ANKRD30B: variants seen among roughly 807,000 people sequenced by gnomAD.
The protein encoded by ANKRD30B is ankyrin repeat domain 30B, also known as ankyrin repeat domain-containing protein 30B.
In ANKRD30B, 144 loss-of-function variants were observed where a neutral mutation model predicts 202.2. That is an observed-to-expected ratio of 0.71 (90% confidence interval 0.62 to 0.82). The LOEUF (loss-of-function observed/expected upper bound fraction) is 0.82. Among genes scored for constraint, ANKRD30B ranks in the 40% least tolerant of loss-of-function variants. The probability of loss-of-function intolerance (pLI) is 0.00; values close to 1 mark genes in which losing one functional copy is unlikely to be tolerated. For synonymous variants in ANKRD30B, 508 were observed against 561.3 expected, an observed-to-expected ratio of 0.91 and a Z score of 1.34; for missense variants, 1,487 against 1,669.1, an observed-to-expected ratio of 0.89 and a Z score of 1.90.
the ANKRD30B span, among the ~76,000 whole-genome samples, chr18:14,868,652 A>G: frequency 6.6e-6 from 1 of 152,266 alleles, no homozygotes; most frequent in Non-Finnish European, 1.5e-5. Context: ...CCCCTGTGGA[A>G]GAGGCGAGGC....
the ANKRD30B span, among the ~76,000 whole-genome samples, chr18:14,889,144 GC>G: frequency 6.6e-6 from 1 of 151,242 alleles, no homozygotes; most frequent in Non-Finnish European, 1.5e-5. Context: ...AATATGTGTA[GC>G]TTTTTGGAAG....
chr18:14,903,528 T>C, the ANKRD30B span: 1 of 152,218 alleles, frequency 6.6e-6, no homozygotes, highest in Admixed American at 6.5e-5. Flanking sequence ...GTTACACTCT[T>C]GTTCCTGTTT....
intron 36 of ANKRD30B, among the ~76,000 whole-genome samples, chr18:14,839,867 T>C (rs1971340913): frequency 6.6e-6 from 1 of 152,116 alleles, no homozygotes; most frequent in Non-Finnish European, 1.5e-5. Flanking sequence ...CATGCATAGT[T>C]TTTAACCAAA....
In ANKRD30B at chr18:14,848,768, A is replaced by G. The variant is rs777684724; in HGVS notation, c.3234A>G (p.Gly1078=). The change falls in exon 40 of 44, where the codon GGA becomes GGG. Residue 1078 remains glycine, a synonymous_variant. Transcript: ENST00000690538. ...ATGCACTTCCTTCTTGTGAAAGAGGAAGGGAACTTAAAAAAGATAACTGTG... is the reference window on the plus strand; with the variant it reads ...ATGCACTTCCTTCTTGTGAAAGAGGGAGGGAACTTAAAAAAGATAACTGTG... ...ILDALPSCER[G]RELKKDNCEQ... 4.5e-6 allele frequency: 7 copies of G among 1,571,886 alleles called. No individual in the cohort carries two copies. In the South Asian group the frequency reaches 8.2e-5, roughly 18 times the overall value.
At chr18:14,787,731 G>A (rs1968178054) in intron 15 of ANKRD30B, among the ~76,000 whole-genome samples, 2 of 152,144 alleles carry the variant, frequency 1.3e-5, no homozygotes, top group African/African-American at 4.8e-5. Flanking sequence ...CAGTGAAGCT[G>A]CAGCAGCATG....
rs1568015320 is a variant in ANKRD30B, at chr18:14,791,439, A to C, written c.1773A>C (p.Leu591Phe). Residue 591 changes from leucine to phenylalanine, a missense_variant, in exon 16 of 44, where the codon TTA (leucine) becomes TTC (phenylalanine). Transcript: ENST00000690538. ...CETVSQKDVY[L>F]PKATHQKEFD... is the part of the protein sequence containing the mutation. The stretch of plus-strand genomic sequence containing the variant: ...CGGTTTCACAGAAGGATGTGTATTT[A>C]CCCAAAGCTACACATCAAAAAGAAT... 6.2e-7 allele frequency: 1 copy of C among 1,611,472 alleles called. No homozygotes were observed. Among genetic ancestry groups the C allele is most frequent in the Non-Finnish European group, 8.5e-7 (1 of 1,179,004 alleles).
At chr18:14,806,160 C>T (rs1331400805) in intron 24 of ANKRD30B, among the ~76,000 whole-genome samples, 66 of 148,758 alleles carry the variant, frequency 4.4e-4, no homozygotes, top group African/African-American at 1.6e-3. Context: ...GTGGAGCTTA[C>T]AGTCAGCCCA....
At chr18:14,886,380 C>A in the ANKRD30B span, among the ~76,000 whole-genome samples, 1 of 151,856 alleles carries the variant, frequency 6.6e-6, no homozygotes, top group African/African-American at 2.4e-5. Flanking sequence ...GTAACTGGAG[C>A]AAATTTTATT....
At chr18:14,896,296 T>G in the ANKRD30B span, among the ~76,000 whole-genome samples, 1 of 152,090 alleles carries the variant, frequency 6.6e-6, no homozygotes, top group East Asian at 1.9e-4. Flanking sequence ...CACGCCCAGC[T>G]ACTTTTTTGT....
At chr18:14,851,185 A>G (rs1186543190) in intron 41 of ANKRD30B, among the ~76,000 whole-genome samples, 3 of 151,916 alleles carry the variant, frequency 2.0e-5, no homozygotes, top group Middle Eastern at 3.4e-3. Context: ...TATGTAGTCA[A>G]ATTGATTAAT....
chr18:14,840,598 T>A lies in ANKRD30B; in HGVS notation c.2999T>A (p.Val1000Glu). 6.8e-7 allele frequency: 1 copy of A among 1,466,964 alleles called. No homozygotes were observed. Among genetic ancestry groups the A allele is most frequent in the Non-Finnish European group, 9.2e-7 (1 of 1,092,396 alleles). 90.9% of individuals were successfully genotyped at this position (1,466,964 alleles called of 1,614,324 possible). Residue 1000 changes from valine to glutamate, a missense_variant, in exon 37 of 44, where the codon GTG (valine) becomes GAG (glutamate). Val to Glu is a moderately radical substitution (Grantham distance 121). Around this residue, in one of 6 missense-constraint regions of ANKRD30B, gnomAD observed 218 missense variants for 320.1 expected, o/e 0.68. Transcript: ENST00000690538. ...KSTSDSEIISVSDTQNYECLP... is the reference protein window; with the variant it reads ...KSTSDSEIISESDTQNYECLP... ...TATTATCTTTAACAGATTATCTCTG[T>A]GAGTGATACACAGAATTATGAGTGT...
chr18:14,793,819 G>A (rs557964495), intron 16 of ANKRD30B, among the ~76,000 whole-genome samples: 34 of 150,978 alleles, frequency 2.3e-4, no homozygotes, highest in Non-Finnish European at 4.4e-4. Flanking sequence ...GCCTGAACCC[G>A]GGAGGTGGAG....
In ANKRD30B at chr18:14,840,640, A is replaced by G. The variant is rs1252871309; in HGVS notation, c.3041A>G (p.Tyr1014Cys). 6.5e-7 allele frequency: 1 copy of G among 1,537,862 alleles called. No homozygotes were observed. Among genetic ancestry groups the G allele is most frequent in the Non-Finnish European group, 8.8e-7 (1 of 1,138,744 alleles). The change falls in exon 37 of 44, where the codon TAT (tyrosine) becomes TGT (cysteine). Residue 1014 changes from tyrosine (Y) to cysteine (C), a missense_variant. Tyr to Cys is a radical substitution (Grantham distance 194). This residue lies in a region of ANKRD30B where 218 missense variants were observed against 320.1 expected (regional missense o/e 0.68). Coordinates refer to ENST00000690538, the MANE Select transcript of ANKRD30B (RefSeq NM_001367607.2). ...QNYECLPEAT[Y>C]QKEIKTTNGK... ...TATGAGTGTTTACCTGAGGCTACAT[A>G]TCAAAAAGAAATAAAGACAACAAAT...
intron 1 of ANKRD30B, 102 bp from the exon 2 acceptor site, chr18:14,752,464 G>A: frequency 1.3e-6 from 1 of 784,476 alleles, no homozygotes; most frequent in Non-Finnish European, 2.0e-6. Flanking sequence ...TGTTTTGAAG[G>A]TAGAGAAAGA....
chr18:14,871,773 C>T, the ANKRD30B span, among the ~76,000 whole-genome samples: 1 of 152,036 alleles, frequency 6.6e-6, no homozygotes, highest in Admixed American at 6.5e-5. Context: ...GGCTATATTC[C>T]CAGCTACTCG....
the ANKRD30B span, among the ~76,000 whole-genome samples, chr18:14,888,125 T>A: frequency 6.6e-6 from 1 of 152,022 alleles, no homozygotes; most frequent in Admixed American, 6.6e-5. Context: ...TTTGTTAAAT[T>A]ATCTATTTTA....
At chr18:14,940,156 G>A in the ANKRD30B span, among the ~76,000 whole-genome samples, 101 of 152,196 alleles carry the variant, frequency 6.6e-4, 4 homozygotes, top group Non-Finnish European at 4.3e-4. Context: ...TGGATCTAAT[G>A]TTATGAAGCC....
At chr18:14,831,326 A>G in intron 33 of ANKRD30B, 57 bp from the exon 34 acceptor site, 1 of 1,208,250 alleles carries the variant, frequency 8.3e-7, no homozygotes, top group Non-Finnish European at 1.2e-6. Flanking sequence ...ATGAACTGGC[A>G]GGTTTTCTTT....
At position 14,760,614 on chromosome 18, in the gene ANKRD30B, T is replaced by C. The variant is rs774491051; in HGVS notation, c.816T>C (p.Asn272=). 1 of 1,535,124 alleles carries C rather than the reference T, an allele frequency of 6.5e-7. No individual in the cohort carries two copies. The highest frequency in any genetic ancestry group is 1.2e-5 in the South Asian group (1 of 81,294). ...TACCTAAAAATCCTCAAAATACCAA[T>C]CCAGGTAAGACTTCGGATAGCAAAC... ...RKLPKNPQNT[N]PEGTSTGTPD... The change falls in exon 6 of 44, where the codon AAT becomes AAC. Residue 272 remains asparagine, a synonymous_variant. Coordinates refer to ENST00000690538, the MANE Select transcript of ANKRD30B (RefSeq NM_001367607.2).
Sources: gnomAD v4.1 joint callset for allele counts (sites outside exome capture counted in the v4.1 genomes callset) on GRCh38, gnomAD v4.1.1 for gene constraint, gnomAD v4.1.1 regional missense constraint, MANE v1.5 for transcripts, NCBI Gene and HGNC (gene_info 2026-07-23, HGNC 2026-07-21) for gene names.